CLTCL1: variants seen among roughly 807,000 people sequenced by gnomAD.
CLTCL1 encodes the protein clathrin heavy chain 2.
A neutral mutation model predicts 190.0 loss-of-function variants in CLTCL1; 159 were observed. The observed-to-expected ratio is 0.84, with a 90% CI of 0.74 to 0.95. CLTCL1 has a LOEUF of 0.95. CLTCL1 is among the 40% of genes least tolerant of loss of function. CLTCL1 has a pLI of 0.00. For synonymous variants in CLTCL1, 752 were observed against 769.6 expected, an observed-to-expected ratio of 0.98 and a Z score of 0.38; for missense variants, 1,878 against 2,033.4, an observed-to-expected ratio of 0.92 and a Z score of 1.47.
intron 3 of CLTCL1, among the ~76,000 whole-genome samples, chr22:19,246,314 C>T (rs1555967951): frequency 6.6e-6 from 1 of 152,128 alleles, no homozygotes; most frequent in East Asian, 1.9e-4. Flanking sequence ...CCTGCCTCAG[C>T]CTCCCAAAGT....
chr22:19,180,159 C>T (rs1170382359), intron 32 of CLTCL1, 40 bp downstream of exon 32: 4 of 1,590,776 alleles, frequency 2.5e-6, no homozygotes, highest in Non-Finnish European at 3.4e-6. Context: ...AGAACCTGGC[C>T]TGGCTAGAGG....
intron 19 of CLTCL1, among the ~76,000 whole-genome samples, chr22:19,212,729 G>C (rs1214038434): frequency 2.6e-5 from 4 of 152,214 alleles, no homozygotes; most frequent in African/African-American, 9.6e-5. Flanking sequence ...TTTTGACAGA[G>C]ATGCAAGAGC....
At chr22:19,190,697 AGG>A (rs1217458834) in intron 27 of CLTCL1, among the ~76,000 whole-genome samples, 3 of 152,100 alleles carry the variant, frequency 2.0e-5, no homozygotes, top group Non-Finnish European at 4.4e-5. Context: ...AATGTGACAC[AGG>A]GACATGAAGT....
intron 30 of CLTCL1, chr22:19,181,791 C>T (rs2084148957): frequency 6.6e-6 from 1 of 152,296 alleles, no homozygotes; most frequent in African/African-American, 2.4e-5. Flanking sequence ...CCAGCCCCCT[C>T]CTCTCCTTGA....
In CLTCL1 at chr22:19,242,628, T is replaced by C. The variant is rs1466716546; in HGVS notation, c.681+147A>G. The C allele has an allele frequency of 4.5e-6, 4 of 881,028 alleles. No individual in the cohort carries two copies. The South Asian group carries it at 6.9e-5, about 15-fold the overall frequency. The allele number at this position is 881,028 out of a possible 1,614,324, so 54.6% of individuals were successfully genotyped here. On this transcript the variant is annotated intron_variant, in intron 4 of 32. Transcript: ENST00000427926. The stretch of plus-strand genomic sequence containing the variant: ...TTAGGGGAATGGGGCCACTTAATCA[T>C]GTGCATCACGGTGCACAGTTCTCAA...
At position 19,187,795 on chromosome 22, in the gene CLTCL1, C is replaced by A. The variant is rs543372299; in HGVS notation, c.4435-67G>T. On this transcript the variant is annotated intron_variant, in intron 28 of 32. Transcript: ENST00000427926. Reference sequence around the variant, plus strand: ...GGGCTGCCTACACATGGAGCAGGCACCTTGTGTTACTTGATGGCTGTTGCT... The same window carrying A: ...GGGCTGCCTACACATGGAGCAGGCAACTTGTGTTACTTGATGGCTGTTGCT... 675 of 1,524,160 alleles carry A rather than the reference C, an allele frequency of 4.4e-4. 1 individual carries two copies. Among genetic ancestry groups the A allele is most frequent in the Non-Finnish European group, 5.6e-4 (620 of 1,106,588 alleles). The allele number at this position is 1,524,160 out of a possible 1,614,324, so 94.4% of individuals were successfully genotyped here.
chr22:19,275,535 T>C, intron 2 of CLTCL1, 88 bp downstream of exon 2: 1 of 1,346,332 alleles, frequency 7.4e-7, no homozygotes, highest in Non-Finnish European at 1.0e-6. Context: ...CACTTCGCCA[T>C]GAGCTTAGTG....
chr22:19,254,275 G>A, intron 2 of CLTCL1, 48 bp from the exon 3 acceptor site: 1 of 1,491,528 alleles, frequency 6.7e-7, no homozygotes, highest in Non-Finnish European at 9.2e-7. Flanking sequence ...TTAAAAATCT[G>A]AAAGACAAAT....
chr22:19,225,614 C>A lies in CLTCL1; in HGVS notation c.1967G>T (p.Gly656Val). The A allele has an allele frequency of 6.4e-7, 1 of 1,566,018 alleles. No homozygotes were observed. Among genetic ancestry groups the A allele is most frequent in the Non-Finnish European group, 8.6e-7 (1 of 1,156,400 alleles). The change falls in exon 13 of 33, where the codon GGC becomes GTC. Residue 656 changes from glycine to valine, a missense_variant. Physicochemically the swap from Gly to Val is moderately radical, Grantham distance 109. Transcript: ENST00000427926. Reference sequence around the variant, plus strand: ...CACAGAATCCTCCACCGATAAGGAGCCAAAGAAATTGACAAGCCACTGGGA... The same window carrying A: ...CACAGAATCCTCCACCGATAAGGAGACAAAGAAATTGACAAGCCACTGGGA... ...LNPEWLVNFF[G>V]SLSVEDSVEC...
chr22:19,232,597 A>T lies in CLTCL1; in HGVS notation c.1523T>A (p.Val508Asp), dbSNP rs1555959649. The change falls in exon 10 of 33, where the codon GTT becomes GAT. Residue 508 changes from valine (V) to aspartate (D), a missense_variant and splice_region_variant. Physicochemically the swap from Val to Asp is radical, Grantham distance 152. Transcript: ENST00000427926. Reference protein sequence around the residue: ...FQKIVLYAKKVGYTPDWIFLL... With the variant: ...FQKIVLYAKKDGYTPDWIFLL... The stretch of plus-strand genomic sequence containing the variant: ...AAAGATCCAGTCTGGGGTGTACCCA[A>T]CCTAGAAGCAAGGGAGCACCAATCA... The T allele has an allele frequency of 6.2e-7, 1 of 1,611,352 alleles. No individual in the cohort carries two copies. Among genetic ancestry groups the T allele is most frequent in the South Asian group, 1.1e-5 (1 of 90,798 alleles).
intron 18 of CLTCL1, among the ~76,000 whole-genome samples, chr22:19,217,407 G>C (rs1033108804): frequency 3.3e-5 from 5 of 152,030 alleles, no homozygotes; most frequent in African/African-American, 1.2e-4. Flanking sequence ...ATGAGGTCAG[G>C]AGATCGAGAC....
At chr22:19,282,911 C>T (rs1250711882) in intron 1 of CLTCL1, among the ~76,000 whole-genome samples, 2 of 150,762 alleles carry the variant, frequency 1.3e-5, no homozygotes, top group African/African-American at 4.9e-5. Context: ...CTCTGTCACC[C>T]AGGCTGGAGT....
intron 11 of CLTCL1, among the ~76,000 whole-genome samples, chr22:19,228,171 A>C (rs1175238076): frequency 1.3e-5 from 2 of 152,224 alleles, no homozygotes; most frequent in Non-Finnish European, 2.9e-5. Flanking sequence ...CAGTACTAAG[A>C]GTAGGGCTTT....
At chr22:19,209,218 A>G (rs712954) in intron 20 of CLTCL1, 104 bp from the exon 21 acceptor site, 63,993 of 1,007,294 alleles carry the variant, frequency 0.064, 2,304 homozygotes, top group Middle Eastern at 0.11. Context: ...CTGCATGACC[A>G]TTTCACTTCA....
intron 4 of CLTCL1, among the ~76,000 whole-genome samples, chr22:19,241,992 G>C (rs1351202140): frequency 6.7e-6 from 1 of 149,056 alleles, no homozygotes; most frequent in Non-Finnish European, 1.5e-5. Flanking sequence ...GCCCAGGCTG[G>C]AGTGCAGTGG....
intron 27 of CLTCL1, among the ~76,000 whole-genome samples, chr22:19,190,596 C>CAAAAAAAAA (rs55780206): frequency 2.3e-4 from 17 of 72,820 alleles, no homozygotes; most frequent in East Asian, 1.3e-3. Flanking sequence ...AAGACTGTCT[C>CAAAAAAAAA]AAAAAAAAAA....
At chr22:19,214,307 C>T (rs1385126006) in intron 19 of CLTCL1, among the ~76,000 whole-genome samples, 2 of 152,152 alleles carry the variant, frequency 1.3e-5, no homozygotes, top group East Asian at 3.9e-4. Flanking sequence ...AGTAACAAAG[C>T]ATCGGATGAT....
intron 29 of CLTCL1, 92 bp from the exon 30 acceptor site, chr22:19,183,703 A>G (rs1451409015): frequency 3.1e-6 from 4 of 1,272,884 alleles, no homozygotes; most frequent in Non-Finnish European, 4.4e-6. Context: ...GTGGCACTAG[A>G]CTCCACCAAG....
chr22:19,192,129 G>A (rs533267757), intron 26 of CLTCL1, among the ~76,000 whole-genome samples: 29 of 148,644 alleles, frequency 2.0e-4, no homozygotes, highest in Non-Finnish European at 3.7e-4. Context: ...GCAGTGGTGC[G>A]ATCTCTGCTC....
Sources: allele counts gnomAD v4.1 joint callset (sites outside exome capture counted in the v4.1 genomes callset), GRCh38; gene constraint gnomAD v4.1.1; transcripts MANE v1.5; gene names NCBI Gene and HGNC (gene_info 2026-07-23, HGNC 2026-07-21).